The following MME variants were observed in gnomAD, a reference collection of about 807,000 sequenced individuals.
MME encodes membrane metalloendopeptidase.
A neutral mutation model predicts 113.2 loss-of-function variants in MME; 98 were observed. The ratio of observed to expected loss-of-function variants is 0.87; its 90% CI spans 0.74 to 1.02. MME has a LOEUF of 1.02. Ranked by LOEUF, MME falls within the 50% of genes least tolerant of loss-of-function variation. The probability of loss-of-function intolerance (pLI) is 0.00; values close to 1 mark genes in which losing one functional copy is unlikely to be tolerated. For missense variants in MME, 836 were observed against 896.0 expected (o/e 0.93, Z 0.86); for synonymous variants, 292 against 300.6 (o/e 0.97, Z 0.30).
At position 155,118,786 on chromosome 3, in the gene MME, A is replaced by G. The variant is rs189540914; in HGVS notation, c.695A>G (p.Tyr232Cys). ...PRLGLPSRDYYECTGIYKEAC... is the reference protein window; with the variant it reads ...PRLGLPSRDYCECTGIYKEAC... ...CTTGGCCTCCCTTCTAGAGATTACTATGAATGCACTGGAATCTATAAAGAG... is the reference window on the plus strand; with the variant it reads ...CTTGGCCTCCCTTCTAGAGATTACTGTGAATGCACTGGAATCTATAAAGAG... The change falls in exon 8 of 23, where the codon TAT becomes TGT. Residue 232 changes from tyrosine to cysteine, a missense_variant. Coordinates refer to ENST00000360490, the MANE Select transcript of MME (RefSeq NM_007289.4). The G allele has an allele frequency of 3.7e-6, 6 of 1,602,474 alleles. No individual in the cohort carries two copies. Among genetic ancestry groups the G allele is most frequent in the Admixed American group, 1.7e-5 (1 of 59,694 alleles).
At chr3:155,030,937 A>T (rs1023204530) in intron 1 of MME, among the ~76,000 whole-genome samples, 1 of 152,244 alleles carries the variant, frequency 6.6e-6, no homozygotes, top group East Asian at 1.9e-4. Context: ...CAAGAGTCAT[A>T]TGAATAATTT....
intron 1 of MME, among the ~76,000 whole-genome samples, chr3:155,061,177 G>A (rs1288104966): frequency 6.6e-6 from 1 of 152,178 alleles, no homozygotes; most frequent in African/African-American, 2.4e-5. Flanking sequence ...CGCCGGGCGG[G>A]CGCGGTGGCT....
chr3:155,094,302 T>C (rs1261265914), intron 3 of MME, among the ~76,000 whole-genome samples: 1 of 152,226 alleles, frequency 6.6e-6, no homozygotes, highest in Non-Finnish European at 1.5e-5. Flanking sequence ...TTCAGCTTTC[T>C]GCATTTCATT....
intron 18 of MME, among the ~76,000 whole-genome samples, chr3:155,168,039 G>T (rs1174876747): frequency 6.6e-6 from 1 of 152,204 alleles, no homozygotes; most frequent in African/African-American, 2.4e-5. Flanking sequence ...AGCTGTAGGA[G>T]AAAAAGACTT....
At chr3:155,127,079 T>A (rs1719738629) in intron 8 of MME, among the ~76,000 whole-genome samples, 1 of 151,858 alleles carries the variant, frequency 6.6e-6, no homozygotes, top group African/African-American at 2.4e-5. Flanking sequence ...CTCATCAACA[T>A]GATTCATCGA....
chr3:155,153,216 G>A (rs973620985), intron 16 of MME, among the ~76,000 whole-genome samples: 5 of 151,784 alleles, frequency 3.3e-5, no homozygotes, highest in East Asian at 1.9e-4. Flanking sequence ...TAGTAGAGAC[G>A]GGGCTTCACC....
chr3:155,146,102 A>C (rs1032306482), intron 14 of MME, among the ~76,000 whole-genome samples: 5 of 152,208 alleles, frequency 3.3e-5, no homozygotes, highest in African/African-American at 1.2e-4. Context: ...ATCAAAAGTC[A>C]AGTATCATTG....
intron 1 of MME, among the ~76,000 whole-genome samples, chr3:155,034,999 G>A (rs1371714213): frequency 1.3e-5 from 2 of 152,086 alleles, no homozygotes; most frequent in Non-Finnish European, 2.9e-5. Flanking sequence ...ATCGACTCAG[G>A]AAGGGAATGT....
intron 8 of MME, among the ~76,000 whole-genome samples, chr3:155,136,492 CA>C (rs1012957661): frequency 6.6e-6 from 1 of 152,042 alleles, no homozygotes; most frequent in Non-Finnish European, 1.5e-5. Context: ...TATTGAGTAG[CA>C]AATCCATGGA....
chr3:155,175,235 C>G (rs1455253435), intron 22 of MME, among the ~76,000 whole-genome samples: 1 of 151,662 alleles, frequency 6.6e-6, no homozygotes, highest in African/African-American at 2.4e-5. Context: ...AATTGTGATG[C>G]TTTTTGACTT....
chr3:155,168,560 G>A lies in MME; in HGVS notation c.1849G>A (p.Glu617Lys), dbSNP rs376371123. The A allele has an allele frequency of 6.2e-6, 10 of 1,613,698 alleles. No individual in the cohort carries two copies. In the African/African-American group the frequency reaches 1.3e-4, roughly 22 times the overall value. ...TCAACAGTCTGCAAGTAACTTTAAG[G>A]AGCAATCCCAGTGCATGGTGTATCA... ...WTQQSASNFKEQSQCMVYQYG... is the reference protein window; with the variant it reads ...WTQQSASNFKKQSQCMVYQYG... Residue 617 changes from glutamate (E) to lysine (K), a missense_variant, in exon 19 of 23, where the codon GAG (glutamate) becomes AAG (lysine). Coordinates refer to ENST00000360490, the MANE Select transcript of MME (RefSeq NM_007289.4).
At chr3:155,099,850 A>G (rs1293773318) in intron 3 of MME, among the ~76,000 whole-genome samples, 1 of 152,230 alleles carries the variant, frequency 6.6e-6, no homozygotes, top group Non-Finnish European at 1.5e-5. Context: ...GTAGTGCTGC[A>G]ATAAACATAC....
chr3:155,076,773 T>C (rs1463774069), upstream of MME, among the ~76,000 whole-genome samples: 1 of 152,212 alleles, frequency 6.6e-6, no homozygotes, highest in Non-Finnish European at 1.5e-5. Flanking sequence ...TTCCTGGAAC[T>C]GAGGGTCCCT....
chr3:155,168,166 A>G (rs1049746456), intron 18 of MME, among the ~76,000 whole-genome samples: 2 of 152,230 alleles, frequency 1.3e-5, no homozygotes, highest in African/African-American at 4.8e-5. Flanking sequence ...CAAAATATCA[A>G]ACTAAACAGA....
At chr3:155,074,099 ATACT>A (rs985258626) in intron 1 of MME, among the ~76,000 whole-genome samples, 15 of 151,774 alleles carry the variant, frequency 9.9e-5, no homozygotes, top group African/African-American at 3.1e-4. Context: ...TTCTAACACA[ATACT>A]TACTACTGAA....
chr3:155,095,101 T>C (rs1328885587), intron 3 of MME, among the ~76,000 whole-genome samples: 2 of 152,220 alleles, frequency 1.3e-5, no homozygotes, highest in Non-Finnish European at 2.9e-5. Context: ...TTTGGGAAGC[T>C]TTTGAAATGT....
Position 155,144,354 on chromosome 3 carries a change from T to C in MME, c.1318-5T>C. ...ACCTATATTTGTCTTCTGTTCTGAT[T>C]TGAGGTCGAGGATTTGATTGCACAG... On this transcript the variant is annotated splice_region_variant and splice_polypyrimidine_tract_variant and intron_variant, in intron 13 of 22. Coordinates refer to ENST00000360490, the MANE Select transcript of MME (RefSeq NM_007289.4). The C allele has an allele frequency of 3.7e-6, 6 of 1,601,298 alleles. No homozygotes were observed. The highest frequency in any genetic ancestry group is 5.1e-6 in the Non-Finnish European group (6 of 1,168,660).
intron 1 of MME, among the ~76,000 whole-genome samples, chr3:155,055,701 A>G (rs1482326729): frequency 6.6e-6 from 1 of 152,160 alleles, no homozygotes; most frequent in Non-Finnish European, 1.5e-5. Flanking sequence ...TATTCTCGGG[A>G]GAGATGGATA....
At chr3:155,169,563 AG>A (rs1711679193) in intron 20 of MME, among the ~76,000 whole-genome samples, 1 of 152,156 alleles carries the variant, frequency 6.6e-6, no homozygotes, top group Non-Finnish European at 1.5e-5. Flanking sequence ...ATTTCATAAA[AG>A]GGTGGAGGAA....
Sources: allele counts gnomAD v4.1 joint callset (sites outside exome capture counted in the v4.1 genomes callset), GRCh38; gene constraint gnomAD v4.1.1; transcripts MANE v1.5; gene names NCBI Gene and HGNC (gene_info 2026-07-23, HGNC 2026-07-21).